Variants in RHOT1 observed in about 807,000 individuals in gnomAD.
RHOT1 encodes ras homolog family member T1, also known as mitochondrial Rho GTPase 1.
A neutral mutation model predicts 95.3 loss-of-function variants in RHOT1; 27 were observed. That is an observed-to-expected ratio of 0.28 (90% CI 0.21 to 0.39). The LOEUF (loss-of-function observed/expected upper bound fraction) is 0.39. RHOT1 is among the 10% of genes least tolerant of loss of function. The pLI is 1.00. For missense variants in RHOT1, 578 were observed against 786.7 expected (o/e 0.73, Z 3.17); for synonymous variants, 227 against 263.5 (o/e 0.86, Z 1.34).
chr17:32,170,013 CAAAAAA>C (rs796665468), intron 1 of RHOT1, among the ~76,000 whole-genome samples: 1 of 142,122 alleles, frequency 7.0e-6, no homozygotes, highest in African/African-American at 2.6e-5. Context: ...GACCCTGAAT[CAAAAAA>C]AAAAAGTTAA....
chr17:32,193,411 TG>T (rs1041941009), intron 10 of RHOT1, among the ~76,000 whole-genome samples, 167 bp downstream of exon 10: 21 of 152,198 alleles, frequency 1.4e-4, no homozygotes, highest in Non-Finnish European at 8.8e-5. Flanking sequence ...AGGCCATTGT[TG>T]GGGATTATCA....
chr17:32,179,900 C>T (rs1328477426), intron 6 of RHOT1: 2 of 142,634 alleles, frequency 1.4e-5, no homozygotes, highest in Non-Finnish European at 3.0e-5. Context: ...CCCGGCCACC[C>T]CATCTGGGAA....
Position 32,208,091 on chromosome 17 carries a change from A to G in RHOT1, c.1537-16A>G. 6.2e-7 allele frequency: 1 copy of G among 1,608,244 alleles called. No homozygotes were observed. On this transcript the variant is annotated splice_polypyrimidine_tract_variant and intron_variant, in intron 17 of 19. Transcript: ENST00000545287. ...GAACTTGTTATCAGATTTTGATTTC[A>G]TTTTTTATTCCATAGCAACACTTTA...
intron 6 of RHOT1, among the ~76,000 whole-genome samples, chr17:32,180,663 AAAG>A (rs949357327): frequency 1.3e-5 from 2 of 151,514 alleles, no homozygotes; most frequent in East Asian, 1.9e-4. Flanking sequence ...AGAAAAAAAA[AAAG>A]AAATAATAAA....
chr17:32,151,329 T>C (rs1447659219), intron 1 of RHOT1: 1 of 627,438 alleles, frequency 1.6e-6, no homozygotes, highest in Non-Finnish European at 3.1e-6. Flanking sequence ...GGAGGATCAC[T>C]TGAACCTGGG....
intron 1 of RHOT1, among the ~76,000 whole-genome samples, chr17:32,150,217 C>T (rs1247467121): frequency 6.6e-6 from 1 of 152,124 alleles, no homozygotes; most frequent in East Asian, 1.9e-4. Flanking sequence ...TTTGTCTGAT[C>T]CTTTATTAAA....
intron 18 of RHOT1, among the ~76,000 whole-genome samples, chr17:32,210,797 G>C (rs535163066): frequency 3.9e-4 from 59 of 151,688 alleles, no homozygotes; most frequent in Non-Finnish European, 7.8e-4. Context: ...TTTAGACGAG[G>C]GTGCCATCTA....
chr17:32,206,424 T>G (rs2037742200), intron 16 of RHOT1, among the ~76,000 whole-genome samples: 1 of 148,258 alleles, frequency 6.7e-6, no homozygotes. Flanking sequence ...CAGAAGATAC[T>G]TATTTGTCTA....
At chr17:32,167,544 G>A (rs2034198402) in intron 1 of RHOT1, among the ~76,000 whole-genome samples, 1 of 152,082 alleles carries the variant, frequency 6.6e-6, no homozygotes, top group Non-Finnish European at 1.5e-5. Context: ...ACAGGCGTGA[G>A]CCACCATGCC....
chr17:32,181,501 A>C (rs1248155462), intron 6 of RHOT1, among the ~76,000 whole-genome samples: 1 of 152,290 alleles, frequency 6.6e-6, no homozygotes, highest in Non-Finnish European at 1.5e-5. Context: ...CACTGTCACT[A>C]GTCCAAGTTA....
chr17:32,196,002 A>T (rs1015075432), intron 11 of RHOT1, among the ~76,000 whole-genome samples: 10 of 151,894 alleles, frequency 6.6e-5, no homozygotes, highest in Non-Finnish European at 1.5e-4. Flanking sequence ...AGTTTTTTTT[A>T]ATCCTCTTTG....
intron 6 of RHOT1, among the ~76,000 whole-genome samples, chr17:32,178,109 G>A (rs1414729090): frequency 6.6e-6 from 1 of 151,870 alleles, no homozygotes. Flanking sequence ...ACAGGCATGA[G>A]CCACCGCATG....
intron 8 of RHOT1, 52 bp downstream of exon 8, chr17:32,183,324 T>A (rs778368098): frequency 1.7e-5 from 18 of 1,035,746 alleles, no homozygotes; most frequent in Non-Finnish European, 2.4e-5. Context: ...AACTCTAGTA[T>A]GGTAGTGATT....
At chr17:32,170,879 C>G (rs559079020) in intron 1 of RHOT1, among the ~76,000 whole-genome samples, 164 bp from the exon 2 acceptor site, 1 of 152,098 alleles carries the variant, frequency 6.6e-6, no homozygotes, top group Non-Finnish European at 1.5e-5. Context: ...GTATGTGTGA[C>G]TTTTCTAAAC....
intron 4 of RHOT1, 28 bp downstream of exon 4, chr17:32,175,390 GT>G: frequency 6.3e-7 from 1 of 1,589,212 alleles, no homozygotes; most frequent in Non-Finnish European, 8.6e-7. Flanking sequence ...GAGGTGTGGG[GT>G]TTTGTGTAGA....
At chr17:32,203,671 C>G (rs1268264927) in intron 15 of RHOT1, among the ~76,000 whole-genome samples, 1 of 152,182 alleles carries the variant, frequency 6.6e-6, no homozygotes, top group Middle Eastern at 3.2e-3. Flanking sequence ...TCCTTTTTAG[C>G]TACTGCTTGT....
At chr17:32,206,799 A>G (rs2037787702) in intron 16 of RHOT1, 111 bp from the exon 17 acceptor site, 8 of 805,002 alleles carry the variant, frequency 9.9e-6, no homozygotes, top group Non-Finnish European at 1.5e-5. Flanking sequence ...AGTTATGCTT[A>G]ACCAGTACTT....
intron 4 of RHOT1, 87 bp from the exon 5 acceptor site, chr17:32,175,875 C>A: frequency 1.2e-6 from 1 of 855,610 alleles, no homozygotes; most frequent in Non-Finnish European, 1.7e-6. Context: ...CTTCCTTTCA[C>A]CCGAATATAT....
At position 32,211,296 on chromosome 17, in the gene RHOT1, C is replaced by T. The variant is rs772397140; in HGVS notation, c.1862+58C>T. On this transcript the variant is annotated intron_variant, in intron 19 of 19. Transcript: ENST00000545287. Reference sequence around the variant, plus strand: ...TCTGTTAAAATACAAAAGAAAAAAGCGGATAACTATTTATTATACAGATAC... The same window carrying T: ...TCTGTTAAAATACAAAAGAAAAAAGTGGATAACTATTTATTATACAGATAC... 35 of 1,489,406 alleles carry T rather than the reference C, an allele frequency of 2.3e-5. No individual in the cohort carries two copies. In the African/African-American group the frequency reaches 3.5e-4, roughly 15 times the overall value. The allele number at this position is 1,489,406 out of a possible 1,614,324, so 92.3% of individuals were successfully genotyped here. A position where few individuals can be genotyped will look rare whatever the true frequency, so the allele number is the denominator to read the frequency against.
Sources: allele counts gnomAD v4.1 joint callset (sites outside exome capture counted in the v4.1 genomes callset), GRCh38; gene constraint gnomAD v4.1.1; transcripts MANE v1.5; gene names NCBI Gene and HGNC (gene_info 2026-07-23, HGNC 2026-07-21).